The following TMEM222 variants were observed in gnomAD, a reference collection of about 807,000 sequenced individuals.
TMEM222 encodes the protein chromosome 1 open reading frame 160.
A neutral mutation model predicts 25.1 loss-of-function variants in TMEM222; 18 were observed. The observed-to-expected ratio is 0.72, with a 90% CI of 0.50 to 1.06. TMEM222 has a LOEUF of 1.06. Among genes scored for constraint, TMEM222 ranks in the 50% least tolerant of loss-of-function variants. TMEM222 has a pLI of 0.00. For synonymous variants in TMEM222, 131 were observed against 117.9 expected (o/e 1.11, Z -0.72); for missense variants, 296 against 293.7 (o/e 1.01, Z -0.06).
intron 2 of TMEM222, among the ~76,000 whole-genome samples, chr1:27,331,770 C>T (rs1364271821): frequency 6.6e-6 from 1 of 152,244 alleles, no homozygotes; most frequent in Non-Finnish European, 1.5e-5. Flanking sequence ...AAAATGAGGC[C>T]CAGAGAGGGC....
chr1:27,328,670 C>G (rs1036945342), intron 1 of TMEM222, among the ~76,000 whole-genome samples: 5 of 152,238 alleles, frequency 3.3e-5, no homozygotes, highest in Admixed American at 6.5e-5. Context: ...GCCTCTCCCC[C>G]TTTCGTTCTT....
At chr1:27,334,913 C>T (rs985801893) in intron 5 of TMEM222, 18 of 794,370 alleles carry the variant, frequency 2.3e-5, no homozygotes, top group Non-Finnish European at 2.9e-5. Context: ...ACCCAGACCC[C>T]TGGCTCCCAG....
intron 1 of TMEM222, among the ~76,000 whole-genome samples, chr1:27,326,124 T>C (rs1407313802): frequency 1.3e-5 from 2 of 152,160 alleles, no homozygotes; most frequent in Non-Finnish European, 2.9e-5. Context: ...ACTTGGTGAG[T>C]CTGCATGGCC....
chr1:27,323,874 C>T (rs1178019916), intron 1 of TMEM222, among the ~76,000 whole-genome samples: 1 of 152,156 alleles, frequency 6.6e-6, no homozygotes, highest in Non-Finnish European at 1.5e-5. Flanking sequence ...CCAGATAGTT[C>T]TAGGTGATGC....
At chr1:27,329,083 A>C (rs901924580) in intron 1 of TMEM222, among the ~76,000 whole-genome samples, 8 of 151,886 alleles carry the variant, frequency 5.3e-5, no homozygotes, top group Non-Finnish European at 1.2e-4. Context: ...AGGAACTTTT[A>C]TTTCCTGGCA....
intron 1 of TMEM222, chr1:27,325,815 C>T (rs1415359484): frequency 5.0e-6 from 4 of 799,730 alleles, no homozygotes; most frequent in African/African-American, 1.7e-5. Context: ...CGAGCCGATG[C>T]GTAGCATTTG....
In TMEM222 at chr1:27,330,820, G is replaced by C. The variant is rs200494255; in HGVS notation, c.279+16G>C. Reference sequence around the variant, plus strand: ...CTTTGTCTCAGTGAGTCCCCATTCTGCCCACCCGGGGGGTTCCAAGGTTTA... The same window carrying C: ...CTTTGTCTCAGTGAGTCCCCATTCTCCCCACCCGGGGGGTTCCAAGGTTTA... On this transcript the variant is annotated intron_variant, in intron 2 of 5. Coordinates refer to ENST00000374076, the MANE Select transcript of TMEM222 (RefSeq NM_032125.3). 6.2e-7 allele frequency: 1 copy of C among 1,613,700 alleles called. No homozygotes were observed. The highest frequency in any genetic ancestry group is 1.3e-5 in the African/African-American group (1 of 75,014).
chr1:27,333,222 G>A, intron 3 of TMEM222: 1 of 424,378 alleles, frequency 2.4e-6, no homozygotes, highest in South Asian at 1.7e-5. Context: ...GCATCCTCCA[G>A]GAGGGCTCAG....
chr1:27,322,498 T>G, intron 1 of TMEM222, 107 bp downstream of exon 1: 2 of 1,131,370 alleles, frequency 1.8e-6, no homozygotes, highest in Non-Finnish European at 2.3e-6. Flanking sequence ...TTTCCTCGGG[T>G]CTGGCCCGCA....
intron 2 of TMEM222, chr1:27,331,208 T>G (rs1571011474): frequency 1.9e-6 from 2 of 1,044,356 alleles, no homozygotes; most frequent in Non-Finnish European, 2.3e-6. Flanking sequence ...GAAGAGGGGG[T>G]GGGGCTTTAG....
At chr1:27,334,788 C>A in intron 5 of TMEM222, 1 of 1,120,768 alleles carries the variant, frequency 8.9e-7, no homozygotes. Context: ...TCCAAGCTTT[C>A]CTCTTAGCCA....
chr1:27,331,071 G>A (rs1242792785), intron 2 of TMEM222: 1 of 1,374,302 alleles, frequency 7.3e-7, no homozygotes, highest in African/African-American at 1.5e-5. Flanking sequence ...CCGAGACATG[G>A]GTAGGGATTA....
At position 27,335,810 on chromosome 1, in the gene TMEM222, A is replaced by G. The variant is rs1315267365; in HGVS notation, c.*344A>G. On this transcript the variant is annotated 3_prime_UTR_variant, in exon 6 of 6. Coordinates refer to ENST00000374076, the MANE Select transcript of TMEM222 (RefSeq NM_032125.3). ...TCAGCCCAGTGCCCAGTATGGGGAG[A>G]GGAGGACATTTGGGCTCACCTGTCA... 2 of 341,668 alleles carry G rather than the reference A, an allele frequency of 5.9e-6. No individual in the cohort carries two copies. The highest frequency in any genetic ancestry group is 2.1e-5 in the African/African-American group (1 of 47,854). 21.2% of individuals were successfully genotyped at this position (341,668 alleles called of 1,614,324 possible).
At chr1:27,325,676 G>C (rs961056031) in intron 1 of TMEM222, 1 of 832,636 alleles carries the variant, frequency 1.2e-6, no homozygotes, top group Non-Finnish European at 2.1e-6. Flanking sequence ...CAGAGTGCAA[G>C]TACTCTGTGT....
chr1:27,329,512 T>C (rs999542100), intron 1 of TMEM222, among the ~76,000 whole-genome samples: 2 of 152,214 alleles, frequency 1.3e-5, no homozygotes, highest in African/African-American at 4.8e-5. Flanking sequence ...CACCCTTATG[T>C]CTGTGAAAGC....
intron 3 of TMEM222, 59 bp downstream of exon 3, chr1:27,332,160 G>A: frequency 6.2e-7 from 1 of 1,604,590 alleles, no homozygotes; most frequent in African/African-American, 1.3e-5. Flanking sequence ...GCCGGGGCGG[G>A]CCAGGCCTTC....
chr1:27,325,799 G>A, intron 1 of TMEM222: 1 of 804,592 alleles, frequency 1.2e-6, no homozygotes, highest in Non-Finnish European at 2.3e-6. Context: ...GCTTCTAAAT[G>A]GACTGCGAGC....
At position 27,335,699 on chromosome 1, in the gene TMEM222, C is replaced by A; in HGVS notation, c.*233C>A. ...CTCCTCCCCAGGCCTGTGACTCCGG[C>A]CCTGGAAGCCCCTTTGTTCTTCTGT... On this transcript the variant is annotated 3_prime_UTR_variant, in exon 6 of 6. Transcript: ENST00000374076. 1.8e-6 allele frequency: 1 copy of A among 569,542 alleles called. No individual in the cohort carries two copies. The highest frequency in any genetic ancestry group is 3.1e-6 in the Non-Finnish European group (1 of 317,662). The allele number at this position is 569,542 out of a possible 1,614,324, so 35.3% of individuals were successfully genotyped here.
intron 1 of TMEM222, among the ~76,000 whole-genome samples, chr1:27,326,319 G>A (rs55971491): frequency 3.9e-5 from 6 of 152,132 alleles, no homozygotes; most frequent in Admixed American, 1.3e-4. Flanking sequence ...AACACTGTGG[G>A]CTGTGACTTG....
Sources: gnomAD v4.1 joint callset for allele counts (sites outside exome capture counted in the v4.1 genomes callset) on GRCh38, gnomAD v4.1.1 for gene constraint, MANE v1.5 for transcripts, NCBI Gene and HGNC (gene_info 2026-07-23, HGNC 2026-07-21) for gene names.